Variants in IL1RAPL2 observed in about 807,000 individuals in gnomAD.
IL1RAPL2 encodes the protein interleukin 1 receptor accessory protein like 2, also known as X-linked interleukin-1 receptor accessory protein-like 2.
Under a neutral mutation model 44.1 loss-of-function variants are expected in IL1RAPL2, and 3 were observed. The ratio of observed to expected loss-of-function variants is 0.07; its 90% confidence interval spans 0.03 to 0.18. The LOEUF is 0.18. Ranked by LOEUF, IL1RAPL2 falls within the 10% of genes least tolerant of loss-of-function variation. The pLI is 1.00. For synonymous variants in IL1RAPL2, 181 were observed against 178.8 expected (o/e 1.01, Z -0.10); for missense variants, 391 against 496.4 (o/e 0.79, Z 2.02).
chrX:105,336,891 A>G (rs1010583825), intron 5 of IL1RAPL2, among the ~76,000 whole-genome samples: 1 of 111,811 alleles, frequency 8.9e-6, no homozygotes, highest in African/African-American at 3.3e-5. Context: ...AAACCTAGGC[A>G]TCTCTGATGC....
intron 2 of IL1RAPL2, among the ~76,000 whole-genome samples, chrX:104,688,086 G>A (rs1931019846): frequency 8.9e-6 from 1 of 111,923 alleles, no homozygotes; most frequent in Admixed American, 9.5e-5. Context: ...CCAGGCTCCT[G>A]CTGCTGTAGC....
chrX:105,577,230 C>T lies in IL1RAPL2; in HGVS notation c.772+92843C>T, dbSNP rs2037057114. 2.7e-5 allele frequency among the ~76,000 whole-genome samples: 3 copies of T among 111,331 alleles called. No individual in the cohort carries two copies. In the Admixed American group the frequency reaches 2.9e-4, roughly 11 times the overall value. On this transcript the variant is annotated intron_variant, in intron 6 of 10. Coordinates refer to ENST00000372582, the MANE Select transcript of IL1RAPL2 (RefSeq NM_017416.2). Reference sequence around the variant, plus strand: ...TTAAAAATGGGCCTATATGATACTACCGGAAAATTACTTCCAGAAATAATT... The same window carrying T: ...TTAAAAATGGGCCTATATGATACTATCGGAAAATTACTTCCAGAAATAATT...
intron 5 of IL1RAPL2, among the ~76,000 whole-genome samples, chrX:105,404,328 C>T (rs911926624): frequency 1.6e-4 from 18 of 111,855 alleles, no homozygotes; most frequent in Non-Finnish European, 3.0e-4. Context: ...CCATGTTAAG[C>T]CTTACAGATC....
chrX:104,699,231 T>C (rs1931232308), intron 2 of IL1RAPL2, among the ~76,000 whole-genome samples: 1 of 111,836 alleles, frequency 8.9e-6, no homozygotes, highest in Non-Finnish European at 1.9e-5. Context: ...ACTTTATTTC[T>C]ATTATTATTT....
intron 2 of IL1RAPL2, among the ~76,000 whole-genome samples, chrX:104,797,195 C>T (rs1159954018): frequency 5.4e-5 from 2 of 37,113 alleles, no homozygotes; most frequent in Admixed American, 3.2e-4. Flanking sequence ...GCCCCCCCCC[C>T]CCCCCCGCAA....
At chrX:105,349,796 A>G (rs927049266) in intron 5 of IL1RAPL2, among the ~76,000 whole-genome samples, 18 of 111,938 alleles carry the variant, frequency 1.6e-4, no homozygotes, top group Non-Finnish European at 3.2e-4. Context: ...TCTTCAGCAC[A>G]ATATGAATAA....
chrX:105,342,130 G>C (rs1347449831), intron 5 of IL1RAPL2, among the ~76,000 whole-genome samples: 2 of 95,308 alleles, frequency 2.1e-5, no homozygotes, highest in Non-Finnish European at 4.2e-5. Context: ...GGACACAGGA[G>C]GGGGAACATC....
rs964039086 is a variant in IL1RAPL2 at position 104,955,318 on chromosome X, A to G, written c.83-240157A>G. On this transcript the variant is annotated intron_variant, in intron 2 of 10. Coordinates refer to ENST00000372582, the MANE Select transcript of IL1RAPL2 (RefSeq NM_017416.2). ...AAATATTCCTCAAGGTCACTGGGAC[A>G]CTTTCTTCAGGGGATATAAGGGAAG... Among the ~76,000 whole-genome samples the G allele has an allele frequency of 1.7e-4, 19 of 110,345 alleles. No homozygotes were observed. The Admixed American group carries it at 1.8e-3, about 11-fold the overall frequency.
intron 2 of IL1RAPL2, among the ~76,000 whole-genome samples, chrX:104,927,252 A>C (rs1487809758): frequency 9.0e-6 from 1 of 111,496 alleles, no homozygotes; most frequent in Admixed American, 9.5e-5. Context: ...TTGAAAGTCA[A>C]CTACATCTCC....
At chrX:104,828,505 T>C (rs1921521269) in intron 2 of IL1RAPL2, among the ~76,000 whole-genome samples, 1 of 111,831 alleles carries the variant, frequency 8.9e-6, no homozygotes. Flanking sequence ...CTGGAAGCTT[T>C]GTCCCAGAGG....
At chrX:105,112,579 G>T (rs1468423596) in intron 2 of IL1RAPL2, among the ~76,000 whole-genome samples, 2 of 112,607 alleles carry the variant, frequency 1.8e-5, no homozygotes, top group Non-Finnish European at 3.8e-5. Context: ...ATAACAAATT[G>T]TACGAAATGT....
intron 2 of IL1RAPL2, among the ~76,000 whole-genome samples, chrX:104,986,859 T>C (rs2030570487): frequency 8.9e-6 from 1 of 112,248 alleles, no homozygotes; most frequent in African/African-American, 3.2e-5. Context: ...TCTCTTTAAG[T>C]CCTGTCCTGA....
chrX:105,351,621 GGCC>G (rs1488622811), intron 5 of IL1RAPL2, among the ~76,000 whole-genome samples: 1 of 110,043 alleles, frequency 9.1e-6, no homozygotes, highest in East Asian at 2.9e-4. Flanking sequence ...CACACACTGG[GGCC>G]TGTCAGTGGG....
Position 104,745,282 on chromosome X carries a change from G to A in IL1RAPL2, c.82+86287G>A, listed in dbSNP as rs1014402525. ...CCCCTTTAATAGGGTAGATCAGATTGGTTTTGTAGGGCTGAGTTTTCACCA... is the reference window on the plus strand; with the variant it reads ...CCCCTTTAATAGGGTAGATCAGATTAGTTTTGTAGGGCTGAGTTTTCACCA... On this transcript the variant is annotated intron_variant, in intron 2 of 10. Coordinates refer to ENST00000372582, the MANE Select transcript of IL1RAPL2 (RefSeq NM_017416.2). 3.6e-5 allele frequency among the ~76,000 whole-genome samples: 4 copies of A among 111,432 alleles called. No homozygotes were observed. The South Asian group carries it at 1.5e-3, about 42-fold the overall frequency.
At chrX:105,184,523 TTAAA>T (rs2033565888) in intron 2 of IL1RAPL2, among the ~76,000 whole-genome samples, 1 of 109,671 alleles carries the variant, frequency 9.1e-6, no homozygotes, top group Non-Finnish European at 1.9e-5. Context: ...TTGAATACAT[TTAAA>T]TAATATAATT....
intron 2 of IL1RAPL2, among the ~76,000 whole-genome samples, chrX:104,797,428 G>C (rs1932857830): frequency 9.0e-6 from 1 of 110,544 alleles, no homozygotes; most frequent in African/African-American, 3.3e-5. Context: ...GGTGTTTTTT[G>C]TTTGTTTTCA....
intron 5 of IL1RAPL2, among the ~76,000 whole-genome samples, chrX:105,308,571 C>A (rs183204863): frequency 5.4e-4 from 60 of 111,838 alleles, no homozygotes; most frequent in African/African-American, 1.9e-3. Flanking sequence ...ATTGTTTTTG[C>A]CTATTCTAGA....
chrX:105,607,428 A>G (rs978784028), intron 6 of IL1RAPL2, among the ~76,000 whole-genome samples: 1 of 108,018 alleles, frequency 9.3e-6, no homozygotes, highest in South Asian at 4.0e-4. Flanking sequence ...CTGCTTTCCA[A>G]TACATTAAAT....
At chrX:105,067,802 TGCATGCACACACACACATACAC>T (rs748070581) in intron 2 of IL1RAPL2, among the ~76,000 whole-genome samples, 4,172 of 111,019 alleles carry the variant, frequency 0.038, 217 homozygotes, top group African/African-American at 0.13. Flanking sequence ...CACGCGCGCA[TGCATGCACACACACACATACAC>T]GCATGCACAT....
Sources: allele counts gnomAD v4.1 joint callset (sites outside exome capture counted in the v4.1 genomes callset), GRCh38; gene constraint gnomAD v4.1.1; transcripts MANE v1.5; gene names NCBI Gene and HGNC (gene_info 2026-07-23, HGNC 2026-07-21).